Variants in RAI1 observed in about 807,000 individuals in gnomAD.
RAI1 encodes retinoic acid-induced protein 1.
RAI1 carries 9 observed loss-of-function variants against 123.8 expected under a neutral mutation model. That is an observed-to-expected ratio of 0.07 (90% CI 0.04 to 0.13). RAI1 has a LOEUF of 0.13. Among genes scored for constraint, RAI1 ranks in the 10% least tolerant of loss-of-function variants. The pLI is 1.00. For missense variants in RAI1, 2,256 were observed against 2,545.8 expected, an observed-to-expected ratio of 0.89 and a Z score of 2.45; for synonymous variants, 1,231 against 1,127.3, an observed-to-expected ratio of 1.09 and a Z score of -1.84.
At chr17:17,749,322 C>CT (rs930710866) in intron 2 of RAI1, among the ~76,000 whole-genome samples, 4 of 152,246 alleles carry the variant, frequency 2.6e-5, no homozygotes, top group African/African-American at 9.6e-5. Context: ...TCCCTCCCTG[C>CT]TCCTGCCTCC....
At chr17:17,717,097 G>A (rs1161249848) in intron 1 of RAI1, among the ~76,000 whole-genome samples, 1 of 152,174 alleles carries the variant, frequency 6.6e-6, no homozygotes, top group Non-Finnish European at 1.5e-5. Context: ...TGGGATTGGG[G>A]AGGGATCACA....
In RAI1 at chr17:17,810,580, G is replaced by A. The variant is rs913076820; in HGVS notation, c.*599G>A. Reference sequence around the variant, plus strand: ...CTTTGGAACAAACCGTGCGGAACGCGTCCAGGGGCCTTCCCGCCCAGCCTT... The same window carrying A: ...CTTTGGAACAAACCGTGCGGAACGCATCCAGGGGCCTTCCCGCCCAGCCTT... On this transcript the variant is annotated 3_prime_UTR_variant, in exon 6 of 6. Coordinates refer to ENST00000353383, the MANE Select transcript of RAI1 (RefSeq NM_030665.4). This position sits in a 1 kb window ranked among gnomAD's most constrained non-coding sequence, Gnocchi z 4.6. The A allele has an allele frequency of 1.1e-4, 37 of 331,428 alleles. 1 individual carries two copies. Among genetic ancestry groups the A allele is most frequent in the South Asian group, 7.9e-4 (36 of 45,814 alleles). The allele number at this position is 331,428 out of a possible 1,614,324, so 20.5% of individuals were successfully genotyped here.
intron 1 of RAI1, among the ~76,000 whole-genome samples, chr17:17,689,630 A>G (rs1914769838): frequency 6.6e-6 from 1 of 152,224 alleles, no homozygotes; most frequent in Non-Finnish European, 1.5e-5. Context: ...GTGGGTATGC[A>G]TATGTATTTT....
chr17:17,785,022 G>A (rs574637114), intron 2 of RAI1, among the ~76,000 whole-genome samples: 126 of 152,262 alleles, frequency 8.3e-4, no homozygotes, highest in Middle Eastern at 3.4e-3. Flanking sequence ...TGGGCCCCTG[G>A]GTGTCACTAC....
intron 1 of RAI1, among the ~76,000 whole-genome samples, chr17:17,691,698 G>A (rs955970880): frequency 1.3e-5 from 2 of 152,186 alleles, no homozygotes; most frequent in African/African-American, 4.8e-5. Flanking sequence ...GGCTTCCAGA[G>A]GTGGGGAGAA....
chr17:17,802,585 G>C (rs1027006314), intron 3 of RAI1, among the ~76,000 whole-genome samples: 1 of 151,754 alleles, frequency 6.6e-6, no homozygotes, highest in African/African-American at 2.4e-5. Flanking sequence ...GACCATCCTG[G>C]CTAACACGGA....
At chr17:17,716,552 G>A (rs1915719933) in intron 1 of RAI1, among the ~76,000 whole-genome samples, 1 of 152,176 alleles carries the variant, frequency 6.6e-6, no homozygotes. Flanking sequence ...GTGTACACGT[G>A]TCTGTGTGCA....
intron 2 of RAI1, among the ~76,000 whole-genome samples, chr17:17,744,959 G>A (rs1916774258): frequency 6.6e-6 from 1 of 152,146 alleles, no homozygotes; most frequent in Non-Finnish European, 1.5e-5. Context: ...TACCTACTGT[G>A]TGCTGAACCC....
intron 2 of RAI1, among the ~76,000 whole-genome samples, chr17:17,783,020 G>A (rs535993044): frequency 0.41 from 57 of 140 alleles, no homozygotes; most frequent in East Asian, 0.5. Context: ...GCTTCACTCG[G>A]CTGACTTCGA....
intron 2 of RAI1, among the ~76,000 whole-genome samples, chr17:17,792,396 C>T (rs977765325): frequency 3.9e-5 from 6 of 152,164 alleles, no homozygotes; most frequent in African/African-American, 1.4e-4. Context: ...CAGGGGCAGA[C>T]CCTCCTCAGT....
intron 2 of RAI1, among the ~76,000 whole-genome samples, chr17:17,741,348 G>A (rs951391254): frequency 3.9e-5 from 6 of 152,176 alleles, no homozygotes; most frequent in African/African-American, 1.4e-4. Context: ...TCGCAGGGCG[G>A]GCTCGGCCAC....
intron 1 of RAI1, among the ~76,000 whole-genome samples, chr17:17,713,855 C>T (rs1453739000): frequency 2.6e-5 from 4 of 152,272 alleles, no homozygotes; most frequent in South Asian, 4.1e-4. Flanking sequence ...CCTCTCTCTC[C>T]AGCTCTTGTG....
chr17:17,791,091 G>A (rs1282889882), intron 2 of RAI1, among the ~76,000 whole-genome samples: 4 of 152,240 alleles, frequency 2.6e-5, no homozygotes, highest in Non-Finnish European at 5.9e-5. Context: ...GAGGGAAAGC[G>A]GCTTTGATAA....
intron 4 of RAI1, among the ~76,000 whole-genome samples, chr17:17,804,881 T>C (rs189587530): frequency 6.1e-4 from 92 of 151,322 alleles, no homozygotes; most frequent in Middle Eastern, 3.4e-3. Flanking sequence ...TATTTATTTT[T>C]GAGACGGAGT....
At chr17:17,779,147 A>G in intron 2 of RAI1, 1 of 343,396 alleles carries the variant, frequency 2.9e-6, no homozygotes, top group East Asian at 7.8e-5. Flanking sequence ...GCATCAGCCG[A>G]CAACCAAAGG....
At chr17:17,746,634 C>CTTTTTTTTTTTTTTTTTTTTT (rs377692656) in intron 2 of RAI1, among the ~76,000 whole-genome samples, 16 of 120,398 alleles carry the variant, frequency 1.3e-4, no homozygotes, top group South Asian at 2.6e-4. Context: ...CTTTTCTTTT[C>CTTTTTTTTTTTTTTTTTTTTT]TTTTTTTTTT....
rs1916671775 is a variant in RAI1, at chr17:17,742,440, TGAAC to T, written c.-17+18284_-17+18287del. On this transcript the variant is annotated intron_variant, in intron 2 of 5. Coordinates refer to ENST00000353383, the MANE Select transcript of RAI1 (RefSeq NM_030665.4). ...TTGAATGAATGAATGAATGAATGAATGAACGAGTGAATGAATGAATGAATAAAGG... is the reference window on the plus strand; with the variant it reads ...TTGAATGAATGAATGAATGAATGAATGAGTGAATGAATGAATGAATAAAGG... Among the ~76,000 whole-genome samples, 4 of 152,298 alleles carry T rather than the reference TGAAC, an allele frequency of 2.6e-5. No homozygotes were observed. The South Asian group carries it at 8.3e-4, about 32-fold the overall frequency.
At chr17:17,752,657 C>T (rs912691059) in intron 2 of RAI1, among the ~76,000 whole-genome samples, 3 of 152,236 alleles carry the variant, frequency 2.0e-5, no homozygotes, top group African/African-American at 7.2e-5. Flanking sequence ...TGGCCAGGCA[C>T]TGCAGACGTG....
intron 4 of RAI1, among the ~76,000 whole-genome samples, chr17:17,806,248 G>A (rs1483441349): frequency 1.3e-5 from 2 of 152,252 alleles, no homozygotes; most frequent in Non-Finnish European, 2.9e-5. Context: ...GAGCTTTGTA[G>A]CAACTGTTTA....
Sources: allele counts gnomAD v4.1 joint callset (sites outside exome capture counted in the v4.1 genomes callset), GRCh38; gene constraint gnomAD v4.1.1; non-coding constraint Gnocchi (gnomAD v3.1); transcripts MANE v1.5; gene names NCBI Gene and HGNC (gene_info 2026-07-23, HGNC 2026-07-21).